Variants in TSPAN9 observed in about 807,000 individuals in gnomAD.
TSPAN9 encodes the protein tetraspanin 9.
In TSPAN9, 16 loss-of-function variants were observed where a neutral mutation model predicts 31.0. That is an observed-to-expected ratio of 0.52 (90% confidence interval 0.35 to 0.78). The LOEUF is 0.78. TSPAN9 is among the 30% of genes least tolerant of loss of function. The probability of loss-of-function intolerance (pLI) is 0.01; values close to 1 mark genes in which losing one functional copy is unlikely to be tolerated. For missense variants in TSPAN9, 272 were observed against 312.5 expected (o/e 0.87, Z 0.98); for synonymous variants, 145 against 121.6 (o/e 1.19, Z -1.27).
At chr12:3,204,445 A>C (rs921627433) in intron 3 of TSPAN9, among the ~76,000 whole-genome samples, 4 of 152,190 alleles carry the variant, frequency 2.6e-5, no homozygotes, top group Non-Finnish European at 5.9e-5. Context: ...AGGTGGAGCC[A>C]CACAGCCCAT....
chr12:3,107,140 G>A lies in TSPAN9; in HGVS notation c.-18+23421G>A, dbSNP rs1446630962. Among the ~76,000 whole-genome samples the A allele has an allele frequency of 6.6e-6, 1 of 152,142 alleles. No individual in the cohort carries two copies. Among genetic ancestry groups the A allele is most frequent in the Admixed American group, 6.6e-5 (1 of 15,266 alleles). On this transcript the variant is annotated intron_variant, in intron 2 of 8. Transcript: ENST00000011898. The surrounding 1 kb of genome is among the most constrained non-coding windows in gnomAD (Gnocchi z 4.1). ...CCGCAGAGCACGAAATCATCACGGG[G>A]CTGTGGAAATCCAATTAGACTTGAG... is the stretch of plus-strand genomic sequence containing the variant.
chr12:3,128,796 C>G (rs2153966789), intron 2 of TSPAN9, among the ~76,000 whole-genome samples: 1 of 152,286 alleles, frequency 6.6e-6, no homozygotes, highest in South Asian at 2.1e-4. Context: ...ATAAAATTGA[C>G]CATTTCAACC....
At position 3,285,735 on chromosome 12, in the gene TSPAN9, C is replaced by CA. The variant is rs1389208544; in HGVS notation, c.*2621dup. 1 of 152,250 alleles carries CA rather than the reference C, an allele frequency of 6.6e-6. No homozygotes were observed. The highest frequency in any genetic ancestry group is 1.5e-5 in the Non-Finnish European group (1 of 68,058). 9.4% of individuals were successfully genotyped at this position (152,250 alleles called of 1,614,324 possible). ...ACGGCTCCCTTTGCCAGAGTCAGTTCAATCAGGTCTGATGTGAGCAATTTA... is the reference window on the plus strand; with the variant it reads ...ACGGCTCCCTTTGCCAGAGTCAGTTCAAATCAGGTCTGATGTGAGCAATTTA... On this transcript the variant is annotated 3_prime_UTR_variant, in exon 9 of 9. Coordinates refer to ENST00000011898, the MANE Select transcript of TSPAN9 (RefSeq NM_006675.5).
intron 3 of TSPAN9, 127 bp downstream of exon 3, chr12:3,201,383 A>C: frequency 1.2e-6 from 1 of 833,956 alleles, no homozygotes; most frequent in Non-Finnish European, 1.8e-6. Context: ...GTGTGCTTTT[A>C]AAAAAAAATT....
intron 2 of TSPAN9, among the ~76,000 whole-genome samples, chr12:3,090,951 T>G (rs1407749780): frequency 1.3e-5 from 2 of 152,208 alleles, no homozygotes; most frequent in African/African-American, 2.4e-5. Flanking sequence ...GTCAGTGTGT[T>G]GTGTGTGTGC....
intron 2 of TSPAN9, among the ~76,000 whole-genome samples, chr12:3,096,040 TC>T (rs2098308552): frequency 2.1e-5 from 3 of 141,964 alleles, no homozygotes; most frequent in Admixed American, 1.4e-4. Context: ...AGCCGCTGCC[TC>T]CCGGGCGGCG....
At chr12:3,121,540 T>G (rs924268126) in intron 2 of TSPAN9, among the ~76,000 whole-genome samples, 3 of 137,716 alleles carry the variant, frequency 2.2e-5, no homozygotes, top group Non-Finnish European at 4.7e-5. Flanking sequence ...AAACTTTTTT[T>G]TTTTTTTTTT....
intron 2 of TSPAN9, among the ~76,000 whole-genome samples, chr12:3,186,086 G>A (rs1273264708): frequency 6.6e-6 from 1 of 152,152 alleles, no homozygotes; most frequent in Non-Finnish European, 1.5e-5. Flanking sequence ...CAGATGTCAG[G>A]GCCAGGGCAA....
intron 3 of TSPAN9, among the ~76,000 whole-genome samples, chr12:3,223,831 G>A (rs2153975221): frequency 6.6e-6 from 1 of 152,320 alleles, no homozygotes; most frequent in East Asian, 1.9e-4. Context: ...GGGGTGGCCA[G>A]GCGTCGGGAT....
intron 2 of TSPAN9, among the ~76,000 whole-genome samples, chr12:3,113,062 A>G (rs1431714074): frequency 6.6e-6 from 1 of 152,202 alleles, no homozygotes; most frequent in Non-Finnish European, 1.5e-5. Context: ...TTCGATGAAT[A>G]TTTATTGAGA....
In TSPAN9 at chr12:3,280,326, G is replaced by A; in HGVS notation, c.331-56G>A. On this transcript the variant is annotated intron_variant, in intron 5 of 8. Transcript: ENST00000011898. The surrounding 1 kb of genome is among the most constrained non-coding windows in gnomAD (Gnocchi z 4.5). ...ATCCTGGGTGACCTGAGGTGGGCTG[G>A]AGAGACGAGCTGCGTCCTGGTTCCA... is the stretch of plus-strand genomic sequence containing the variant. 6.5e-7 allele frequency: 1 copy of A among 1,529,942 alleles called. No homozygotes were observed. The highest frequency in any genetic ancestry group is 9.0e-7 in the Non-Finnish European group (1 of 1,110,308). The allele number at this position is 1,529,942 out of a possible 1,614,324, so 94.8% of individuals were successfully genotyped here.
chr12:3,206,858 CA>C (rs2098375533), intron 3 of TSPAN9, among the ~76,000 whole-genome samples: 1 of 152,122 alleles, frequency 6.6e-6, no homozygotes, highest in Admixed American at 6.5e-5. Flanking sequence ...CAGAGTAGAG[CA>C]AGTGACACCT....
chr12:3,090,676 C>A (rs915794092), intron 2 of TSPAN9, among the ~76,000 whole-genome samples: 8 of 152,180 alleles, frequency 5.3e-5, no homozygotes, highest in Admixed American at 3.3e-4. Flanking sequence ...AGGCTGGCCA[C>A]GGCACAAGGA....
At chr12:3,154,588 C>A (rs1010430359) in intron 2 of TSPAN9, among the ~76,000 whole-genome samples, 19 of 152,358 alleles carry the variant, frequency 1.2e-4, no homozygotes, top group African/African-American at 4.6e-4. Flanking sequence ...CCCTTCCTCC[C>A]TCTCTTCCTT....
intron 2 of TSPAN9, among the ~76,000 whole-genome samples, chr12:3,127,824 C>T (rs1160302199): frequency 6.6e-6 from 1 of 152,102 alleles, no homozygotes; most frequent in Non-Finnish European, 1.5e-5. Context: ...TGGGGTCTTG[C>T]TATGTTGCCC....
chr12:3,228,496 T>A lies in TSPAN9; in HGVS notation c.63+27240T>A, dbSNP rs1467628591. ...CTAGGGGGAAGATCCAGGACTAGCT[T>A]AGGCAATCATTTCTGAGGCTTTGCT... On this transcript the variant is annotated intron_variant, in intron 3 of 8. Coordinates refer to ENST00000011898, the MANE Select transcript of TSPAN9 (RefSeq NM_006675.5). Among the ~76,000 whole-genome samples, 5 of 152,210 alleles carry A rather than the reference T, an allele frequency of 3.3e-5. No homozygotes were observed. In the East Asian group the frequency reaches 9.6e-4, roughly 29 times the overall value.
At chr12:3,113,427 G>T (rs1193073850) in intron 2 of TSPAN9, among the ~76,000 whole-genome samples, 1 of 152,216 alleles carries the variant, frequency 6.6e-6, no homozygotes, top group Admixed American at 6.5e-5. Flanking sequence ...GCCATGATGA[G>T]AAATTGGGCT....
At chr12:3,253,267 A>G (rs1862286438) in intron 3 of TSPAN9, among the ~76,000 whole-genome samples, 1 of 152,208 alleles carries the variant, frequency 6.6e-6, no homozygotes, top group African/African-American at 2.4e-5. Flanking sequence ...TGCAGTAAAG[A>G]TCATTAAATT....
intron 8 of TSPAN9, chr12:3,282,126 C>T (rs908671684): frequency 4.8e-6 from 3 of 626,438 alleles, no homozygotes; most frequent in African/African-American, 1.8e-5. Context: ...GAGAGCCATG[C>T]AAGACACACA....
Sources: gnomAD v4.1 joint callset for allele counts (sites outside exome capture counted in the v4.1 genomes callset) on GRCh38, gnomAD v4.1.1 for gene constraint, Gnocchi (gnomAD v3.1) non-coding constraint, MANE v1.5 for transcripts, NCBI Gene and HGNC (gene_info 2026-07-23, HGNC 2026-07-21) for gene names.